The following ZNF385D variants were observed in gnomAD, a reference collection of about 807,000 sequenced individuals.
ZNF385D encodes zinc finger protein 385D.
In ZNF385D, 15 loss-of-function variants were observed where a neutral mutation model predicts 35.8. The ratio of observed to expected loss-of-function variants is 0.42; its 90% confidence interval spans 0.28 to 0.64. The LOEUF is 0.64. ZNF385D is among the 30% of genes least tolerant of loss of function. The pLI is 0.23. For synonymous variants in ZNF385D, 212 were observed against 186.8 expected, an observed-to-expected ratio of 1.13 and a Z score of -1.10; for missense variants, 474 against 494.6, an observed-to-expected ratio of 0.96 and a Z score of 0.39.
rs779083360 is a variant in ZNF385D at position 21,577,812 on chromosome 3, C to CT, written c.166-13129dup. Among the ~76,000 whole-genome samples the CT allele has an allele frequency of 1.7e-3, 230 of 133,474 alleles. 1 individual carries two copies. Among genetic ancestry groups the CT allele is most frequent in the East Asian group, 3.7e-3 (17 of 4,610 alleles). 87.6% of individuals were successfully genotyped at this position (133,474 alleles called of 152,430 possible). A position where few individuals can be genotyped will look rare whatever the true frequency, so the allele number is the denominator to read the frequency against. ...TGTTGGCCATTTGTATATTTTTTTT[C>CT]TTTTTTTTTTTTTTCGAGACAGGGT... is the stretch of plus-strand genomic sequence containing the variant. On this transcript the variant is annotated intron_variant, in intron 2 of 7. Transcript: ENST00000281523.
At chr3:21,917,584 G>A (rs1700251520) in intron 3 of ZNF385D, among the ~76,000 whole-genome samples, 1 of 152,180 alleles carries the variant, frequency 6.6e-6, no homozygotes, top group Non-Finnish European at 1.5e-5. Context: ...AGAGTTTCAT[G>A]TACTGAAGCT....
At chr3:21,585,790 C>A (rs2063792238) in intron 2 of ZNF385D, among the ~76,000 whole-genome samples, 1 of 152,112 alleles carries the variant, frequency 6.6e-6, no homozygotes, top group South Asian at 2.1e-4. Context: ...CAAAGGAATA[C>A]ATTAAAGACA....
intron 2 of ZNF385D, among the ~76,000 whole-genome samples, chr3:22,352,770 AAAC>A (rs1272921593): frequency 2.6e-5 from 4 of 152,190 alleles, no homozygotes; most frequent in African/African-American, 9.7e-5. Flanking sequence ...AGTTCTCCAC[AAAC>A]AACTATTACG....
At chr3:22,365,191 A>C (rs1486588993) in intron 2 of ZNF385D, among the ~76,000 whole-genome samples, 1 of 152,054 alleles carries the variant, frequency 6.6e-6, no homozygotes, top group African/African-American at 2.4e-5. Flanking sequence ...TTGCACAACA[A>C]TATGAATGTA....
chr3:21,620,343 G>A (rs1205317636), intron 2 of ZNF385D, among the ~76,000 whole-genome samples: 4 of 126,490 alleles, frequency 3.2e-5, no homozygotes. Flanking sequence ...CCTAAAAAGA[G>A]GAATTTTTAA....
chr3:22,200,821 T>C (rs910556933), intron 2 of ZNF385D, among the ~76,000 whole-genome samples: 1 of 152,126 alleles, frequency 6.6e-6, no homozygotes, highest in Non-Finnish European at 1.5e-5. Context: ...AATTCAGCGA[T>C]ATTTCTCCCA....
intron 2 of ZNF385D, among the ~76,000 whole-genome samples, chr3:22,325,377 T>A (rs1694628347): frequency 6.6e-6 from 1 of 152,216 alleles, no homozygotes; most frequent in Admixed American, 6.5e-5. Context: ...GATCATTAGT[T>A]GTACAGCAAT....
intron 4 of ZNF385D, among the ~76,000 whole-genome samples, chr3:21,479,203 T>G (rs1049773934): frequency 6.6e-6 from 1 of 151,896 alleles, no homozygotes; most frequent in Non-Finnish European, 1.5e-5. Flanking sequence ...TAAGTTAATT[T>G]GGTTCAATAT....
rs370472170 is a variant in ZNF385D at position 21,617,912 on chromosome 3, C to T, written c.165+46974G>A. On this transcript the variant is annotated intron_variant, in intron 2 of 7. Transcript: ENST00000281523. ...TTAAGCTTTCTGTAGCTGACAAACCCTTAAAACCCCTTCCAGTTCTCCATT... is the reference window on the plus strand; with the variant it reads ...TTAAGCTTTCTGTAGCTGACAAACCTTTAAAACCCCTTCCAGTTCTCCATT... Among the ~76,000 whole-genome samples, 32 of 152,196 alleles carry T rather than the reference C, an allele frequency of 2.1e-4. No homozygotes were observed. The South Asian group carries it at 6.6e-3, about 32-fold the overall frequency.
At chr3:21,749,104 C>T (rs1275190213) in intron 1 of ZNF385D, among the ~76,000 whole-genome samples, 1 of 152,182 alleles carries the variant, frequency 6.6e-6, no homozygotes, top group African/African-American at 2.4e-5. Context: ...ACACTGAGGG[C>T]AACTTTAGCC....
chr3:21,850,968 A>G (rs11129027), intron 3 of ZNF385D, among the ~76,000 whole-genome samples: 10,697 of 152,118 alleles, frequency 0.07, 549 homozygotes, highest in East Asian at 0.21. Context: ...CATCCAATAA[A>G]AATAATTAAC....
chr3:22,087,536 A>G (rs975564874), intron 3 of ZNF385D, among the ~76,000 whole-genome samples: 5 of 152,156 alleles, frequency 3.3e-5, no homozygotes, highest in African/African-American at 1.2e-4. Flanking sequence ...TGATGACTGG[A>G]ACCAGGGAGA....
At chr3:21,842,156 A>G (rs189322289) in intron 3 of ZNF385D, among the ~76,000 whole-genome samples, 144 of 152,166 alleles carry the variant, frequency 9.5e-4, no homozygotes, top group African/African-American at 3.4e-3. Context: ...CTGGTTATCA[A>G]TAATAATTCA....
At chr3:21,591,204 TTTC>T (rs1232613099) in intron 2 of ZNF385D, among the ~76,000 whole-genome samples, 1 of 152,024 alleles carries the variant, frequency 6.6e-6, no homozygotes. Flanking sequence ...CAAAACAAAG[TTTC>T]ATGAGGTTCC....
chr3:21,995,261 G>A (rs1459884766), intron 3 of ZNF385D, among the ~76,000 whole-genome samples: 1 of 152,204 alleles, frequency 6.6e-6, no homozygotes, highest in Non-Finnish European at 1.5e-5. Context: ...GGCCAAGAAG[G>A]CATGCATAGG....
chr3:22,297,972 A>T (rs7621773), intron 2 of ZNF385D, among the ~76,000 whole-genome samples: 50,588 of 151,884 alleles, frequency 0.33, 8,677 homozygotes, highest in Non-Finnish European at 0.38. Flanking sequence ...GCACAGAGAA[A>T]ATTAAGTAGT....
At chr3:22,363,681 G>C (rs1391132255) in intron 2 of ZNF385D, among the ~76,000 whole-genome samples, 2 of 152,062 alleles carry the variant, frequency 1.3e-5, no homozygotes, top group African/African-American at 4.8e-5. Flanking sequence ...TTAAATTGGT[G>C]GACCAAGTCT....
chr3:21,950,693 G>C (rs865776327), intron 3 of ZNF385D, among the ~76,000 whole-genome samples: 10 of 151,728 alleles, frequency 6.6e-5, no homozygotes, highest in Non-Finnish European at 1.3e-4. Flanking sequence ...TTACATTTAA[G>C]TCTTTAATCC....
At chr3:21,484,172 A>C (rs187830466) in intron 4 of ZNF385D, among the ~76,000 whole-genome samples, 2 of 152,310 alleles carry the variant, frequency 1.3e-5, no homozygotes, top group African/African-American at 4.8e-5. Context: ...CACCCTTCCC[A>C]GGGCTGAGCT....
Sources: allele counts gnomAD v4.1 joint callset (sites outside exome capture counted in the v4.1 genomes callset), GRCh38; gene constraint gnomAD v4.1.1; transcripts MANE v1.5; gene names NCBI Gene and HGNC (gene_info 2026-07-23, HGNC 2026-07-21).